The following NPHP4 variants were observed in gnomAD, a reference collection of about 807,000 sequenced individuals.
NPHP4 encodes nephrocystin 4.
In NPHP4, 151 loss-of-function variants were observed where a neutral mutation model predicts 155.8. The observed-to-expected ratio is 0.97, with a 90% CI of 0.85 to 1.11. The LOEUF is 1.11. Ranked by LOEUF, NPHP4 falls within the 50% of genes least tolerant of loss-of-function variation. NPHP4 has a pLI of 0.00. For missense variants in NPHP4, 1,956 were observed against 1,925.7 expected (o/e 1.02, Z -0.29); for synonymous variants, 845 against 816.8 (o/e 1.03, Z -0.59).
In NPHP4 at chr1:5,986,227, C is replaced by T. The variant is rs1404531519; in HGVS notation, c.63G>A (p.Ala21=). 2 of 1,613,896 alleles carry T rather than the reference C, an allele frequency of 1.2e-6. No homozygotes were observed. The change falls in exon 2 of 30, where the codon GCG becomes GCA. Residue 21 remains alanine, a synonymous_variant. Transcript: ENST00000378156. ...NVLVPPHPQR[A]RQPWKESTAF... is the part of the protein sequence containing the mutation. Reference sequence around the variant, plus strand: ...CCGTGGATTCCTTCCAAGGCTGGCGCGCTCTCTGTGGGTGGGGAGGGACAA... The same window carrying T: ...CCGTGGATTCCTTCCAAGGCTGGCGTGCTCTCTGTGGGTGGGGAGGGACAA...
chr1:5,942,617 T>C (rs1570556398), intron 9 of NPHP4, among the ~76,000 whole-genome samples: 1 of 142,280 alleles, frequency 7.0e-6, no homozygotes, highest in African/African-American at 2.6e-5. Context: ...TGAGGAACTG[T>C]TCCAGAATTA....
intron 2 of NPHP4, among the ~76,000 whole-genome samples, chr1:5,982,815 C>T (rs775175295): frequency 6.6e-6 from 1 of 151,976 alleles, no homozygotes; most frequent in Admixed American, 6.5e-5. Flanking sequence ...TGTTAATTTC[C>T]TATTTGAGGA....
intron 11 of NPHP4, among the ~76,000 whole-genome samples, chr1:5,911,427 C>T (rs1471002831): frequency 6.6e-6 from 1 of 152,222 alleles, no homozygotes; most frequent in Admixed American, 6.5e-5. Flanking sequence ...GCAGAGACAG[C>T]GGGCACTCGG....
At chr1:5,896,551 A>G (rs1032882978) in intron 16 of NPHP4, among the ~76,000 whole-genome samples, 1 of 152,244 alleles carries the variant, frequency 6.6e-6, no homozygotes, top group Non-Finnish European at 1.5e-5. Context: ...AAGTAAATAC[A>G]TGATGAGAAA....
chr1:5,966,929 TG>T (rs1258354016), intron 5 of NPHP4, among the ~76,000 whole-genome samples: 1 of 152,214 alleles, frequency 6.6e-6, no homozygotes, highest in African/African-American at 2.4e-5. Context: ...CTCTCAGCCA[TG>T]GGGCCTTGCC....
At chr1:5,888,914 T>C (rs903575025) in intron 17 of NPHP4, among the ~76,000 whole-genome samples, 3 of 152,084 alleles carry the variant, frequency 2.0e-5, no homozygotes, top group Admixed American at 1.3e-4. Flanking sequence ...GAGAAGAGGA[T>C]GGTAAATAGC....
chr1:5,975,734 G>A (rs576407858), intron 3 of NPHP4, among the ~76,000 whole-genome samples: 3 of 152,332 alleles, frequency 2.0e-5, no homozygotes, highest in Non-Finnish European at 2.9e-5. Context: ...AGCATGACAC[G>A]CAGCTGCCAG....
chr1:5,921,901 C>T (rs1468927459), intron 11 of NPHP4, among the ~76,000 whole-genome samples: 2 of 152,234 alleles, frequency 1.3e-5, no homozygotes, highest in Admixed American at 6.5e-5. Flanking sequence ...ACTGCTACTC[C>T]TTGCGGTAAG....
chr1:5,982,273 T>C (rs1252291053), intron 2 of NPHP4, among the ~76,000 whole-genome samples: 1 of 152,184 alleles, frequency 6.6e-6, no homozygotes, highest in Non-Finnish European at 1.5e-5. Context: ...ACTGGCCCCT[T>C]AAGATTGTAA....
intron 6 of NPHP4, among the ~76,000 whole-genome samples, chr1:5,960,483 G>C (rs969615708): frequency 6.6e-6 from 1 of 151,854 alleles, no homozygotes; most frequent in Non-Finnish European, 1.5e-5. Context: ...TTTTCTTCAG[G>C]GTCCAGAATG....
At chr1:5,966,623 A>G (rs1370641559) in intron 5 of NPHP4, among the ~76,000 whole-genome samples, 1 of 152,040 alleles carries the variant, frequency 6.6e-6, no homozygotes, top group Non-Finnish European at 1.5e-5. Context: ...CTCACCTCGA[A>G]GAGACAGAAA....
intron 18 of NPHP4, among the ~76,000 whole-genome samples, chr1:5,886,294 GC>G (rs1269268908): frequency 6.6e-6 from 1 of 152,184 alleles, no homozygotes; most frequent in African/African-American, 2.4e-5. Flanking sequence ...TCGTAAACAG[GC>G]AGGCAGAGCC....
At chr1:5,875,183 C>T (rs998660987) in intron 20 of NPHP4, 83 bp from the exon 21 acceptor site, 42 of 1,025,876 alleles carry the variant, frequency 4.1e-5, no homozygotes, top group African/African-American at 1.6e-4. Context: ...CCACCACCCG[C>T]GATCTCAGAA....
intron 23 of NPHP4, among the ~76,000 whole-genome samples, chr1:5,868,952 A>C (rs1570085553): frequency 7.1e-6 from 1 of 141,714 alleles, no homozygotes. Context: ...ATGCACACAC[A>C]CACAATGCAC....
At chr1:5,938,283 C>G (rs553463827) in intron 9 of NPHP4, among the ~76,000 whole-genome samples, 46 of 152,348 alleles carry the variant, frequency 3.0e-4, no homozygotes, top group African/African-American at 1.0e-3. Context: ...CTTCACAAGG[C>G]CAGAGAGACT....
At position 5,977,125 on chromosome 1, in the gene NPHP4, C is replaced by A. The variant is rs537317829; in HGVS notation, c.279+1145G>T. On this transcript the variant is annotated intron_variant, in intron 3 of 29. Transcript: ENST00000378156. The stretch of plus-strand genomic sequence containing the variant: ...GCTCAGACACCATCCCTCTCAAACT[C>A]CCCCCACTCGAGTTCAGCTGTGAAG... 7.9e-5 allele frequency among the ~76,000 whole-genome samples: 12 copies of A among 152,244 alleles called. No homozygotes were observed. In the South Asian group the frequency reaches 1.7e-3, roughly 21 times the overall value.
chr1:5,987,821 G>A (rs1330878381), intron 1 of NPHP4, among the ~76,000 whole-genome samples: 2 of 152,154 alleles, frequency 1.3e-5, no homozygotes, highest in Non-Finnish European at 2.9e-5. Context: ...ACAAACATGG[G>A]TACTTGGCAG....
At chr1:5,916,308 C>A (rs575133225) in intron 11 of NPHP4, among the ~76,000 whole-genome samples, 1 of 152,246 alleles carries the variant, frequency 6.6e-6, no homozygotes, top group East Asian at 1.9e-4. Flanking sequence ...AGCCGCATAT[C>A]ATTAAGATCT....
rs1656518271 is a variant in NPHP4, at chr1:5,992,346, C to G, written c.-141G>C. 6.6e-6 allele frequency: 1 copy of G among 152,046 alleles called. No homozygotes were observed. Among genetic ancestry groups the G allele is most frequent in the African/African-American group, 2.4e-5 (1 of 41,426 alleles). 9.4% of individuals were successfully genotyped at this position (152,046 alleles called of 1,614,324 possible). A position where few individuals can be genotyped will look rare whatever the true frequency, so the allele number is the denominator to read the frequency against. ...CAGAGGCCCGGCGGCCGGTGCTCAA[C>G]GGAGCCACAAGCCTGAGGACCGAGG... On this transcript the variant is annotated 5_prime_UTR_variant, in exon 1 of 30. Transcript: ENST00000378156.
Sources: allele counts gnomAD v4.1 joint callset (sites outside exome capture counted in the v4.1 genomes callset), GRCh38; gene constraint gnomAD v4.1.1; transcripts MANE v1.5; gene names NCBI Gene and HGNC (gene_info 2026-07-23, HGNC 2026-07-21).